Variants in KLHL29 observed in about 807,000 individuals in gnomAD.
KLHL29 encodes the protein kelch like family member 29.
In KLHL29, 21 loss-of-function variants were observed where a neutral mutation model predicts 80.4. The ratio of observed to expected loss-of-function variants is 0.26; its 90% confidence interval spans 0.19 to 0.38. The LOEUF is 0.38. KLHL29 is among the 10% of genes least tolerant of loss of function. KLHL29 has a pLI of 1.00. For synonymous variants in KLHL29, 511 were observed against 526.8 expected (o/e 0.97, Z 0.41); for missense variants, 867 against 1,223.9 (o/e 0.71, Z 4.35).
chr2:23,683,011 C>G (rs11678903), intron 5 of KLHL29, among the ~76,000 whole-genome samples: 2,806 of 152,340 alleles, frequency 0.018, 49 homozygotes, highest in Middle Eastern at 0.034. Flanking sequence ...CCAGTGTGTC[C>G]TCACCAAAAA....
chr2:23,571,192 C>T (rs1667709219), intron 3 of KLHL29, among the ~76,000 whole-genome samples: 1 of 152,236 alleles, frequency 6.6e-6, no homozygotes, highest in Non-Finnish European at 1.5e-5. Context: ...AGATTCTTCA[C>T]CTACTACTTA....
chr2:23,556,970 C>T (rs146060560), intron 2 of KLHL29, among the ~76,000 whole-genome samples: 123 of 152,326 alleles, frequency 8.1e-4, no homozygotes, highest in African/African-American at 2.8e-3. Flanking sequence ...TCTTTGTAAA[C>T]GGTCCCCTCC....
intron 3 of KLHL29, among the ~76,000 whole-genome samples, chr2:23,564,037 G>A (rs1206648020): frequency 6.6e-6 from 1 of 152,242 alleles, no homozygotes; most frequent in Admixed American, 6.5e-5. Flanking sequence ...AGGGCCAGCT[G>A]TTGGCCATAT....
chr2:23,677,461 G>C (rs1176425797), intron 5 of KLHL29, among the ~76,000 whole-genome samples: 1 of 152,234 alleles, frequency 6.6e-6, no homozygotes, highest in Admixed American at 6.5e-5. Context: ...GTTCCTAGGA[G>C]GGTTTGCCTG....
rs934011973 is a variant in KLHL29, at chr2:23,706,231, T to C, written c.2445-250T>C. On this transcript the variant is annotated intron_variant, in intron 13 of 13. Coordinates refer to ENST00000486442, the MANE Select transcript of KLHL29 (RefSeq NM_052920.2). Reference sequence around the variant, plus strand: ...TCGTCTCCTAGCCATGGTTAGTCACTCTGGCGGGGCAGGGAGGGAGCGCCT... The same window carrying C: ...TCGTCTCCTAGCCATGGTTAGTCACCCTGGCGGGGCAGGGAGGGAGCGCCT... Among the ~76,000 whole-genome samples, 4 of 152,308 alleles carry C rather than the reference T, an allele frequency of 2.6e-5. No homozygotes were observed. In the South Asian group the frequency reaches 6.2e-4, roughly 24 times the overall value.
At position 23,670,920 on chromosome 2, in the gene KLHL29, C is replaced by G. The variant is rs1230753875; in HGVS notation, c.941-13479C>G. 2.4e-3 allele frequency among the ~76,000 whole-genome samples: 4 copies of G among 1,678 alleles called. No individual in the cohort carries two copies. In the East Asian group the frequency reaches 0.088, roughly 37 times the overall value. 1.1% of individuals were successfully genotyped at this position (1,678 alleles called of 152,430 possible). A position where few individuals can be genotyped will look rare whatever the true frequency, so the allele number is the denominator to read the frequency against. ...GGGTCTCTACACACATGCACGCGCT[C>G]TCTCTCTCTCTCTCTCTCTCTCTCT... On this transcript the variant is annotated intron_variant, in intron 5 of 13. Transcript: ENST00000486442.
At chr2:23,557,483 T>G (rs1226405139) in intron 2 of KLHL29, among the ~76,000 whole-genome samples, 14 of 151,750 alleles carry the variant, frequency 9.2e-5, no homozygotes, top group Admixed American at 9.2e-4. Context: ...GGAGTCTCCA[T>G]CTCCTGCCTG....
At chr2:23,552,940 A>G (rs1341201405) in intron 2 of KLHL29, among the ~76,000 whole-genome samples, 1 of 151,834 alleles carries the variant, frequency 6.6e-6, no homozygotes, top group Non-Finnish European at 1.5e-5. Context: ...TTGTATTTTT[A>G]GTAGAGACGT....
chr2:23,682,925 A>G lies in KLHL29; in HGVS notation c.941-1474A>G, dbSNP rs1468824059. ...TGGCTCCCAGAGGGCAGGGCCCCCA[A>G]CCCCGATCCCTGAACATGCATGTGG... On this transcript the variant is annotated intron_variant, in intron 5 of 13. Transcript: ENST00000486442. The surrounding 1 kb of genome is among the most constrained non-coding windows in gnomAD (Gnocchi z 4.1). Among the ~76,000 whole-genome samples, 1 of 151,342 alleles carries G rather than the reference A, an allele frequency of 6.6e-6. No homozygotes were observed. Among genetic ancestry groups the G allele is most frequent in the East Asian group, 2.0e-4 (1 of 5,122 alleles).
chr2:23,570,091 A>C (rs371607198), intron 3 of KLHL29, among the ~76,000 whole-genome samples: 24 of 152,266 alleles, frequency 1.6e-4, no homozygotes, highest in African/African-American at 5.8e-4. Flanking sequence ...TTCATTGTGA[A>C]TCTGCCTCTC....
intron 2 of KLHL29, among the ~76,000 whole-genome samples, chr2:23,499,104 C>G (rs1054832707): frequency 1.3e-5 from 2 of 152,182 alleles, no homozygotes; most frequent in African/African-American, 4.8e-5. Context: ...ATGAAGTTTC[C>G]TCTCCTGCAG....
At chr2:23,439,588 C>T (rs979486284) in intron 1 of KLHL29, among the ~76,000 whole-genome samples, 3 of 152,162 alleles carry the variant, frequency 2.0e-5, no homozygotes, top group African/African-American at 7.2e-5. Flanking sequence ...CATTCAGGAG[C>T]AGCTTGTTCA....
intron 3 of KLHL29, among the ~76,000 whole-genome samples, chr2:23,614,340 A>G (rs939548724): frequency 6.6e-6 from 1 of 152,226 alleles, no homozygotes; most frequent in Non-Finnish European, 1.5e-5. Context: ...TTGGCAAAAT[A>G]AATTTCCTAA....
rs1181808728 is a variant in KLHL29, at chr2:23,633,756, C to CGT, written c.286-5348_286-5347dup. 3.2e-3 allele frequency among the ~76,000 whole-genome samples: 473 copies of CGT among 147,222 alleles called. 6 individuals carry two copies. Among genetic ancestry groups the CGT allele is most frequent in the Middle Eastern group, 6.8e-3 (2 of 294 alleles). ...TCTCTGTCAAAAGAGTCACAGCACT[C>CGT]GTGTGTGTGTGTGTGTGTGTGTGTG... On this transcript the variant is annotated intron_variant, in intron 3 of 13. Transcript: ENST00000486442.
At chr2:23,539,154 G>A (rs960828459) in intron 2 of KLHL29, among the ~76,000 whole-genome samples, 12 of 152,068 alleles carry the variant, frequency 7.9e-5, no homozygotes, top group African/African-American at 2.9e-4. Context: ...CAGGGCTGAT[G>A]AGTGTAGGGA....
At chr2:23,391,692 C>T (rs899632099) in intron 1 of KLHL29, among the ~76,000 whole-genome samples, 1 of 152,204 alleles carries the variant, frequency 6.6e-6, no homozygotes, top group Admixed American at 6.5e-5. Context: ...GTCTCTGCCT[C>T]CCAAAGTTCA....
chr2:23,605,926 C>A (rs1049177024), intron 3 of KLHL29, among the ~76,000 whole-genome samples: 2 of 152,062 alleles, frequency 1.3e-5, no homozygotes, highest in Non-Finnish European at 2.9e-5. Flanking sequence ...CCCACCACCA[C>A]GCCCGGCTAA....
intron 3 of KLHL29, among the ~76,000 whole-genome samples, chr2:23,587,621 C>G (rs1668152709): frequency 6.6e-6 from 1 of 152,132 alleles, no homozygotes; most frequent in African/African-American, 2.4e-5. Flanking sequence ...AGGCCTGGTC[C>G]CATGTTTCAT....
intron 3 of KLHL29, among the ~76,000 whole-genome samples, chr2:23,622,543 C>T (rs894898743): frequency 6.6e-6 from 1 of 152,218 alleles, no homozygotes; most frequent in Non-Finnish European, 1.5e-5. Flanking sequence ...AACTCCCACT[C>T]GGGACCCTGG....
Sources: gnomAD v4.1 joint callset for allele counts (sites outside exome capture counted in the v4.1 genomes callset) on GRCh38, gnomAD v4.1.1 for gene constraint, Gnocchi (gnomAD v3.1) non-coding constraint, MANE v1.5 for transcripts, NCBI Gene and HGNC (gene_info 2026-07-23, HGNC 2026-07-21) for gene names.